The following PKP2 variants were observed in gnomAD, a reference collection of about 807,000 sequenced individuals.
PKP2 encodes the protein plakophilin 2.
Under a neutral mutation model 83.4 loss-of-function variants are expected in PKP2, and 73 were observed. The ratio of observed to expected loss-of-function variants is 0.88; its 90% CI spans 0.72 to 1.06. PKP2 has a LOEUF of 1.06. Ranked by LOEUF, PKP2 falls within the 50% of genes least tolerant of loss-of-function variation. The pLI is 0.00. For missense variants in PKP2, 966 were observed against 1,065.4 expected, an observed-to-expected ratio of 0.91 and a Z score of 1.30; for synonymous variants, 409 against 430.4, an observed-to-expected ratio of 0.95 and a Z score of 0.62.
intron 4 of PKP2, 146 bp downstream of exon 4, chr12:32,868,781 C>T: frequency 1.1e-6 from 1 of 924,022 alleles, no homozygotes; most frequent in Non-Finnish European, 1.7e-6. Flanking sequence ...CTCGGCCTCC[C>T]AAAGTGCTGG....
chr12:32,853,023 G>T (rs1956714166), intron 4 of PKP2, among the ~76,000 whole-genome samples: 1 of 152,156 alleles, frequency 6.6e-6, no homozygotes, highest in Non-Finnish European at 1.5e-5. Flanking sequence ...GGTGGAGCTT[G>T]CAGTGAGCAG....
At chr12:32,865,307 G>A (rs534505024) in intron 4 of PKP2, among the ~76,000 whole-genome samples, 125 of 149,792 alleles carry the variant, frequency 8.3e-4, no homozygotes, top group African/African-American at 3.0e-3. Context: ...GCCAGAAGGC[G>A]GAGGTTGCAG....
intron 1 of PKP2, among the ~76,000 whole-genome samples, chr12:32,889,736 G>A (rs1277341957): frequency 6.6e-6 from 1 of 152,096 alleles, no homozygotes; most frequent in Non-Finnish European, 1.5e-5. Context: ...CTGGGTATAC[G>A]GAGAGGAAGG....
intron 5 of PKP2, among the ~76,000 whole-genome samples, chr12:32,846,995 ATG>A (rs1419850960): frequency 2.0e-5 from 3 of 152,096 alleles, no homozygotes; most frequent in Non-Finnish European, 2.9e-5. Flanking sequence ...CACTGATCAT[ATG>A]TAAGTCACCA....
rs904999639 is a variant in PKP2, at chr12:32,881,389, C to T, written c.224-2357G>A. Among the ~76,000 whole-genome samples the T allele has an allele frequency of 7.9e-5, 12 of 152,060 alleles. No homozygotes were observed. The South Asian group carries it at 1.7e-3, about 21-fold the overall frequency. On this transcript the variant is annotated intron_variant, in intron 1 of 12. Transcript: ENST00000340811. ...AATTTTTAATCTCTATGGCAAAGAACGGCTGGAACTTGGACCTTAAATAAA... is the reference window on the plus strand; with the variant it reads ...AATTTTTAATCTCTATGGCAAAGAATGGCTGGAACTTGGACCTTAAATAAA...
At chr12:32,895,286 C>T (rs933481927) in intron 1 of PKP2, among the ~76,000 whole-genome samples, 2 of 152,128 alleles carry the variant, frequency 1.3e-5, no homozygotes, top group Admixed American at 1.3e-4. Context: ...GATCATTGAA[C>T]ATCTTCTCTT....
chr12:32,883,476 T>C (rs576949799), intron 1 of PKP2, among the ~76,000 whole-genome samples: 4 of 152,204 alleles, frequency 2.6e-5, no homozygotes, highest in African/African-American at 7.2e-5. Context: ...TAAGATGATA[T>C]CGTGATGACC....
intron 4 of PKP2, among the ~76,000 whole-genome samples, chr12:32,867,048 C>T (rs1370230729): frequency 6.6e-6 from 1 of 152,204 alleles, no homozygotes; most frequent in East Asian, 1.9e-4. Context: ...CAGATCATGG[C>T]TGAGCATGGT....
intron 7 of PKP2, among the ~76,000 whole-genome samples, 190 bp from the exon 8 acceptor site, chr12:32,822,821 G>C (rs1453059491): frequency 6.6e-6 from 1 of 152,170 alleles, no homozygotes; most frequent in Non-Finnish European, 1.5e-5. Flanking sequence ...ACAGTCAGGA[G>C]TACAATGCTA....
chr12:32,818,343 C>A (rs1003888284), intron 9 of PKP2, among the ~76,000 whole-genome samples: 1 of 152,036 alleles, frequency 6.6e-6, no homozygotes, highest in Non-Finnish European at 1.5e-5. Context: ...TGCCTGTAAT[C>A]CCAACTACTC....
At chr12:32,811,337 C>A (rs1956275588) in intron 9 of PKP2, among the ~76,000 whole-genome samples, 1 of 152,220 alleles carries the variant, frequency 6.6e-6, no homozygotes, top group Non-Finnish European at 1.5e-5. Flanking sequence ...CAGTGTCTTT[C>A]TGAGGCAATG....
At chr12:32,874,704 A>G (rs1235198199) in intron 3 of PKP2, among the ~76,000 whole-genome samples, 2 of 152,120 alleles carry the variant, frequency 1.3e-5, no homozygotes, top group Non-Finnish European at 2.9e-5. Context: ...TAAAATTTAT[A>G]TTTCATTTCT....
At chr12:32,884,923 TG>T (rs1485701349) in intron 1 of PKP2, among the ~76,000 whole-genome samples, 1 of 152,156 alleles carries the variant, frequency 6.6e-6, no homozygotes, top group Non-Finnish European at 1.5e-5. Context: ...GTGCATAATG[TG>T]CTTTCGATGT....
chr12:32,871,492 G>C (rs1306735350), intron 3 of PKP2, among the ~76,000 whole-genome samples: 1 of 151,656 alleles, frequency 6.6e-6, no homozygotes, highest in Non-Finnish European at 1.5e-5. Context: ...TTGAGACGGA[G>C]TCTTGCTCTG....
chr12:32,880,177 C>T (rs1482466771), intron 1 of PKP2, among the ~76,000 whole-genome samples: 2 of 151,136 alleles, frequency 1.3e-5, no homozygotes, highest in Non-Finnish European at 2.9e-5. Context: ...CCGAGGTGGG[C>T]GGATCATGAG....
At position 32,841,225 on chromosome 12, in the gene PKP2, C is replaced by T; in HGVS notation, c.1379-20G>A. ...GCAAACCTAGAAAAGCACAGAGTTA[C>T]CATGAAAACAGTGCAGGGTGGGACC... On this transcript the variant is annotated intron_variant, in intron 5 of 12. Transcript: ENST00000340811. The T allele has an allele frequency of 1.2e-6, 2 of 1,606,322 alleles. No homozygotes were observed. The highest frequency in any genetic ancestry group is 4.5e-5 in the East Asian group (2 of 44,844).
At chr12:32,792,870 CCAGA>C (rs112812133) in intron 11 of PKP2, 139 bp from the exon 12 acceptor site, 20 of 728,768 alleles carry the variant, frequency 2.7e-5, no homozygotes, top group Middle Eastern at 3.0e-4. Flanking sequence ...CACTCGGTGA[CCAGA>C]CAATTAGGCA....
At chr12:32,807,128 T>C (rs927788805) in intron 9 of PKP2, among the ~76,000 whole-genome samples, 1 of 152,226 alleles carries the variant, frequency 6.6e-6, no homozygotes, top group Non-Finnish European at 1.5e-5. Flanking sequence ...CTTCTGATTA[T>C]GTGAACAAGT....
At chr12:32,853,393 C>G (rs543507226) in intron 4 of PKP2, among the ~76,000 whole-genome samples, 3 of 77,008 alleles carry the variant, frequency 3.9e-5, no homozygotes, top group Non-Finnish European at 7.2e-5. Context: ...TTTCCTTAAA[C>G]GAAAAAAAAA....
Sources: gnomAD v4.1 joint callset for allele counts (sites outside exome capture counted in the v4.1 genomes callset) on GRCh38, gnomAD v4.1.1 for gene constraint, MANE v1.5 for transcripts, NCBI Gene and HGNC (gene_info 2026-07-23, HGNC 2026-07-21) for gene names.